CLASP1: variants seen among roughly 807,000 people sequenced by gnomAD.
The protein encoded by CLASP1 is cytoplasmic linker associated protein 1.
In CLASP1, 38 loss-of-function variants were observed where a neutral mutation model predicts 192.3. The observed-to-expected ratio is 0.20, with a 90% CI of 0.15 to 0.26. The LOEUF is 0.26. Among genes scored for constraint, CLASP1 ranks in the 10% least tolerant of loss-of-function variants. CLASP1 has a pLI of 1.00. For missense variants in CLASP1, 1,433 were observed against 1,932.5 expected, an observed-to-expected ratio of 0.74 and a Z score of 4.85; for synonymous variants, 691 against 712.8, an observed-to-expected ratio of 0.97 and a Z score of 0.49.
At chr2:121,486,521 TATAA>T (rs2092984384) in intron 8 of CLASP1, among the ~76,000 whole-genome samples, 1 of 152,198 alleles carries the variant, frequency 6.6e-6, no homozygotes, top group Non-Finnish European at 1.5e-5. Context: ...CCCTGAAAGT[TATAA>T]ATGTCAGAAC....
intron 30 of CLASP1, chr2:121,388,174 G>A: frequency 3.4e-6 from 1 of 291,760 alleles, no homozygotes; most frequent in East Asian, 7.2e-5. Flanking sequence ...CTTTTCTCTT[G>A]TTGTCTGGTA....
At chr2:121,463,517 CTG>C (rs1559302428) in intron 9 of CLASP1, among the ~76,000 whole-genome samples, 1 of 152,206 alleles carries the variant, frequency 6.6e-6, no homozygotes. Flanking sequence ...ATGTGGTGCT[CTG>C]TGTCTGTTTT....
At chr2:121,352,972 A>G (rs562046855) in intron 37 of CLASP1, among the ~76,000 whole-genome samples, 34 of 152,272 alleles carry the variant, frequency 2.2e-4, no homozygotes, top group African/African-American at 7.9e-4. Flanking sequence ...TAAAGTATCT[A>G]CTTTCACAGT....
chr2:121,393,664 G>C (rs183742152), intron 30 of CLASP1, among the ~76,000 whole-genome samples: 179 of 152,174 alleles, frequency 1.2e-3, no homozygotes, highest in Non-Finnish European at 1.7e-3. Flanking sequence ...ATGTTCAACG[G>C]ATGCTACATC....
At chr2:121,407,347 G>C (rs2077073536) in intron 25 of CLASP1, 124 bp downstream of exon 26, 2 of 1,096,122 alleles carry the variant, frequency 1.8e-6, no homozygotes, top group Non-Finnish European at 2.6e-6. Context: ...CCTGCAAGCA[G>C]ACCTCTTGGT....
At chr2:121,382,164 T>C (rs1340804630) in intron 33 of CLASP1, 44 bp downstream of exon 34, 4 of 1,466,214 alleles carry the variant, frequency 2.7e-6, no homozygotes, top group East Asian at 4.8e-5. Context: ...GGAAATGCAA[T>C]AATATTGTGA....
chr2:121,394,444 T>C (rs544516507), intron 30 of CLASP1, among the ~76,000 whole-genome samples: 1 of 152,372 alleles, frequency 6.6e-6, no homozygotes, highest in South Asian at 2.1e-4. Context: ...CCTTCTGTCC[T>C]TTGTGGTTTC....
At position 121,349,068 on chromosome 2, in the gene CLASP1, A is replaced by G. The variant is rs182594344; in HGVS notation, c.4207-350T>C. On this transcript the variant is annotated intron_variant, in intron 37 of 39. Coordinates refer to ENST00000263710, the Ensembl canonical transcript of CLASP1. ...ATCCTGGCTATCACGGTGAGAACCC[A>G]TCTCTACTAAAAATACAAAAAATTA... is the stretch of plus-strand genomic sequence containing the variant. 4.2e-4 allele frequency among the ~76,000 whole-genome samples: 64 copies of G among 152,118 alleles called. No homozygotes were observed. The East Asian group carries it at 9.9e-3, about 23-fold the overall frequency.
chr2:121,443,467 GA>G (rs1280208298), intron 19 of CLASP1, among the ~76,000 whole-genome samples: 1 of 152,126 alleles, frequency 6.6e-6, no homozygotes, highest in Non-Finnish European at 1.5e-5. Context: ...GTAAGGCTGA[GA>G]AAACACTCGG....
chr2:121,364,409 T>C (rs1397892350), intron 36 of CLASP1: 4 of 152,660 alleles, frequency 2.6e-5, no homozygotes, highest in Admixed American at 6.5e-5. Context: ...CCTGTTTCCA[T>C]ATAAGGGACC....
chr2:121,621,302 T>C lies in CLASP1; in HGVS notation c.-285-15122A>G, dbSNP rs544315005. On this transcript the variant is annotated intron_variant, in intron 1 of 39. Coordinates refer to ENST00000263710, the Ensembl canonical transcript of CLASP1. ...AACCATGTTTTCTTCTAAGAGTTGT[T>C]TTTTTCTTTTTTAATAGAGATGGCA... 7.0e-4 allele frequency among the ~76,000 whole-genome samples: 107 copies of C among 151,996 alleles called. 1 individual carries two copies. The highest frequency in any genetic ancestry group is 2.4e-3 in the African/African-American group (98 of 41,472).
At chr2:121,624,785 C>T (rs1158769907) in intron 1 of CLASP1, among the ~76,000 whole-genome samples, 5 of 152,174 alleles carry the variant, frequency 3.3e-5, no homozygotes, top group African/African-American at 1.2e-4. Flanking sequence ...GCCATTTTAA[C>T]TATTTTAAAA....
chr2:121,566,725 A>G (rs1203807359), intron 2 of CLASP1, among the ~76,000 whole-genome samples: 2 of 152,178 alleles, frequency 1.3e-5, no homozygotes, highest in East Asian at 3.8e-4. Context: ...CTAGTACCCA[A>G]CTAGTTCCCC....
At chr2:121,591,033 A>G (rs1207949494) in intron 2 of CLASP1, among the ~76,000 whole-genome samples, 1 of 151,900 alleles carries the variant, frequency 6.6e-6, no homozygotes, top group Non-Finnish European at 1.5e-5. Flanking sequence ...ACGCCCAGCT[A>G]ATTTTTGTAT....
chr2:121,528,662 A>G lies in CLASP1; in HGVS notation c.378+15T>C. 6.2e-7 allele frequency: 1 copy of G among 1,612,252 alleles called. No homozygotes were observed. The highest frequency in any genetic ancestry group is 8.5e-7 in the Non-Finnish European group (1 of 1,178,320). ...CACTGGCCAGCTGACCTCAAAACACATCTCTTGCCCCTACCTGGGGATTAG... is the reference window on the plus strand; with the variant it reads ...CACTGGCCAGCTGACCTCAAAACACGTCTCTTGCCCCTACCTGGGGATTAG... On this transcript the variant is annotated intron_variant, in intron 4 of 39. Coordinates refer to ENST00000263710, the Ensembl canonical transcript of CLASP1.
intron 2 of CLASP1, among the ~76,000 whole-genome samples, chr2:121,534,892 G>A (rs775293806): frequency 6.6e-6 from 1 of 152,108 alleles, no homozygotes; most frequent in Non-Finnish European, 1.5e-5. Flanking sequence ...AGTCACACAG[G>A]ACAAAGTGAA....
At chr2:121,525,868 A>G in exon 6 of CLASP1, 1 of 1,613,406 alleles carries the variant, frequency 6.2e-7, no homozygotes. Flanking sequence ...TCTCCAAGTA[A>G]GTTGCATATA....
intron 37 of CLASP1, among the ~76,000 whole-genome samples, chr2:121,356,955 C>G (rs1484290870): frequency 9.8e-6 from 1 of 102,334 alleles, no homozygotes; most frequent in Non-Finnish European, 1.7e-5. Context: ...CCTGGAGATG[C>G]TGCAGAGGCT....
At chr2:121,626,268 G>A (rs1377340033) in intron 1 of CLASP1, among the ~76,000 whole-genome samples, 2 of 152,060 alleles carry the variant, frequency 1.3e-5, no homozygotes, top group Non-Finnish European at 1.5e-5. Context: ...GTGTAAGAAG[G>A]ATGAGGATTT....
Sources: gnomAD v4.1 joint callset for allele counts (sites outside exome capture counted in the v4.1 genomes callset) on GRCh38, gnomAD v4.1.1 for gene constraint, MANE v1.5 for transcripts, NCBI Gene and HGNC (gene_info 2026-07-23, HGNC 2026-07-21) for gene names.